Variants in COL20A1 observed in about 807,000 individuals in gnomAD.
COL20A1 encodes the protein collagen type XX alpha 1 chain, also known as collagen alpha-1(XX) chain.
COL20A1 carries 164 observed loss-of-function variants against 152.9 expected under a neutral mutation model. The ratio of observed to expected loss-of-function variants is 1.07; its 90% CI spans 0.94 to 1.22. COL20A1 has a LOEUF of 1.22. Among genes scored for constraint, COL20A1 ranks in the 50% most tolerant of loss-of-function variants. COL20A1 has a pLI of 0.00. For missense variants in COL20A1, 1,873 were observed against 1,744.8 expected (o/e 1.07, Z -1.31); for synonymous variants, 864 against 756.0 (o/e 1.14, Z -2.34).
At position 63,310,039 on chromosome 20, in the gene COL20A1, C is replaced by T. The variant is rs566748282; in HGVS notation, c.1263+124C>T. The T allele has an allele frequency of 2.3e-3, 2,206 of 959,534 alleles. 5 individuals carry two copies. Among genetic ancestry groups the T allele is most frequent in the Non-Finnish European group, 3.0e-3 (1,968 of 660,388 alleles). 59.4% of individuals were successfully genotyped at this position (959,534 alleles called of 1,614,324 possible). ...TGGGTCCAGGCTGAGAAGGGGGTGTCGAGGGGCTGACAGCCCAGGGACTCA... is the reference window on the plus strand; with the variant it reads ...TGGGTCCAGGCTGAGAAGGGGGTGTTGAGGGGCTGACAGCCCAGGGACTCA... On this transcript the variant is annotated intron_variant, in intron 10 of 35. Transcript: ENST00000358894.
At chr20:63,312,376 A>G (rs375752268) in intron 14 of COL20A1, 44 bp from the exon 15 acceptor site, 117 of 1,491,432 alleles carry the variant, frequency 7.8e-5, no homozygotes, top group Non-Finnish European at 9.6e-5. Flanking sequence ...CAAGGGCTCC[A>G]GGCACCAGCT....
chr20:63,322,600 G>C (rs116351059), intron 27 of COL20A1, among the ~76,000 whole-genome samples: 8 of 152,236 alleles, frequency 5.3e-5, no homozygotes, highest in Non-Finnish European at 1.0e-4. Context: ...GGAGGTTCTG[G>C]TTCTGCGGAG....
intron 31 of COL20A1, chr20:63,327,673 C>G: frequency 1.1e-5 from 6 of 524,570 alleles, no homozygotes; most frequent in Non-Finnish European, 2.1e-5. Flanking sequence ...CGCCATCTCC[C>G]CTAGCACAAA....
rs2068040638 is a variant in COL20A1 at position 63,313,305 on chromosome 20, A to T, written c.2209+56A>T. On this transcript the variant is annotated intron_variant, in intron 17 of 35. Coordinates refer to ENST00000358894, the MANE Select transcript of COL20A1 (RefSeq NM_020882.4). The surrounding 1 kb of genome is among the most constrained non-coding windows in gnomAD (Gnocchi z 5.9). ...GTGTGGGGCAGGGATGGCCCAGGGG[A>T]TCCCTGACTCACCCGCTGCACAGGC... 6.4e-7 allele frequency: 1 copy of T among 1,552,484 alleles called. No homozygotes were observed. Among genetic ancestry groups the T allele is most frequent in the Non-Finnish European group, 8.8e-7 (1 of 1,142,288 alleles).
At position 63,313,250 on chromosome 20, in the gene COL20A1, G is replaced by A. The variant is rs1220759751; in HGVS notation, c.2209+1G>A. ...CCTGTGTCCCTCCGCTATACCCCCT[G>A]TAGGTGCCCCTCCACTTCCCCTCTG... On this transcript the variant is annotated splice_donor_variant, in intron 17 of 35. Transcript: ENST00000358894. LOFTEE classifies it high-confidence loss of function. This position sits in a 1 kb window ranked among gnomAD's most constrained non-coding sequence, Gnocchi z 5.9. 1.9e-6 allele frequency: 3 copies of A among 1,606,230 alleles called. No homozygotes were observed. Among genetic ancestry groups the A allele is most frequent in the Non-Finnish European group, 2.6e-6 (3 of 1,175,314 alleles).
At chr20:63,322,174 C>A in intron 27 of COL20A1, 63 bp downstream of exon 27, 1 of 1,278,752 alleles carries the variant, frequency 7.8e-7, no homozygotes, top group Non-Finnish European at 1.1e-6. Context: ...AGAGAACACC[C>A]CTCCCAGTGC....
Position 63,305,925 on chromosome 20 carries a change from C to A in COL20A1, c.382C>A (p.Pro128Thr), listed in dbSNP as rs766008349. 8.7e-6 allele frequency: 14 copies of A among 1,612,692 alleles called. No homozygotes were observed. In the African/African-American group the frequency reaches 1.7e-4, roughly 20 times the overall value. ...SSSLDRSSQRPLGSGAPEPTP... is the reference protein window; with the variant it reads ...SSSLDRSSQRTLGSGAPEPTP... ...CTCCCTGGACAGGAGCAGCCAGAGGCCCCTCGGCTCTGGAGCCCCGGAGCC... is the reference window on the plus strand; with the variant it reads ...CTCCCTGGACAGGAGCAGCCAGAGGACCCTCGGCTCTGGAGCCCCGGAGCC... Residue 128 changes from proline to threonine, a missense_variant, in exon 5 of 36, where the codon CCC (proline) becomes ACC (threonine). Coordinates refer to ENST00000358894, the MANE Select transcript of COL20A1 (RefSeq NM_020882.4). The surrounding 1 kb of genome is among the most constrained non-coding windows in gnomAD (Gnocchi z 4.9).
chr20:63,301,951 T>G (rs1326461214), intron 3 of COL20A1, among the ~76,000 whole-genome samples: 1 of 152,228 alleles, frequency 6.6e-6, no homozygotes, highest in African/African-American at 2.4e-5. Flanking sequence ...ATTACACTTG[T>G]TATAAGTTTT....
At position 63,313,959 on chromosome 20, in the gene COL20A1, G is replaced by C. The variant is rs570490461; in HGVS notation, c.2358+68G>C. ...CTCCTGGAAGGGGTATGGCCACACTGTCTGCGAAGGGTGGCAGCTCTGCCA... is the reference window on the plus strand; with the variant it reads ...CTCCTGGAAGGGGTATGGCCACACTCTCTGCGAAGGGTGGCAGCTCTGCCA... On this transcript the variant is annotated intron_variant, in intron 18 of 35. Transcript: ENST00000358894. This position sits in a 1 kb window ranked among gnomAD's most constrained non-coding sequence, Gnocchi z 5.9. 1.6e-5 allele frequency: 25 copies of C among 1,590,364 alleles called. No homozygotes were observed. The highest frequency in any genetic ancestry group is 1.7e-4 in the Middle Eastern group (1 of 5,948).
At chr20:63,327,732 C>T (rs1303496070) in intron 31 of COL20A1, 1 of 593,446 alleles carries the variant, frequency 1.7e-6, no homozygotes, top group Non-Finnish European at 3.0e-6. Context: ...CAGCCCCACT[C>T]AGGACTCTGC....
intron 35 of COL20A1, 73 bp downstream of exon 35, chr20:63,329,734 A>C: frequency 5.6e-6 from 6 of 1,073,248 alleles, no homozygotes; most frequent in Non-Finnish European, 6.6e-6. Flanking sequence ...TGAGGGGCCA[A>C]CGGGTGGGGC....
At chr20:63,302,613 G>C (rs758967035) in intron 3 of COL20A1, among the ~76,000 whole-genome samples, 1 of 152,130 alleles carries the variant, frequency 6.6e-6, no homozygotes, top group Non-Finnish European at 1.5e-5. Flanking sequence ...GAGTCACCGC[G>C]CCTGGTCTTG....
At position 63,308,097 on chromosome 20, in the gene COL20A1, C is replaced by T; in HGVS notation, c.775+7C>T. The stretch of plus-strand genomic sequence containing the variant: ...GGGGGGAACACGTTCACAGGTACGG[C>T]CCAGGCCTGCCCCTCCCTCTGTCCT... On this transcript the variant is annotated splice_region_variant and intron_variant, in intron 7 of 35. Transcript: ENST00000358894. The T allele has an allele frequency of 2.5e-6, 4 of 1,611,830 alleles. No homozygotes were observed. Among genetic ancestry groups the T allele is most frequent in the Middle Eastern group, 1.7e-4 (1 of 6,058 alleles).
chr20:63,325,836 T>TC, intron 29 of COL20A1, 115 bp downstream of exon 29: 1 of 973,208 alleles, frequency 1.0e-6, no homozygotes, highest in Non-Finnish European at 1.6e-6. Flanking sequence ...TCTCCTGGGC[T>TC]CCTGCCTCAC....
intron 27 of COL20A1, among the ~76,000 whole-genome samples, chr20:63,323,420 T>C (rs112865069): frequency 1.3e-5 from 2 of 152,382 alleles, no homozygotes; most frequent in African/African-American, 4.8e-5. Context: ...TTAAAAGATC[T>C]TTCTTATTCC....
Position 63,313,090 on chromosome 20 carries a change from T to A in COL20A1, c.2077-27T>A. The A allele has an allele frequency of 1.3e-6, 2 of 1,594,588 alleles. No individual in the cohort carries two copies. Among genetic ancestry groups the A allele is most frequent in the Non-Finnish European group, 1.7e-6 (2 of 1,171,284 alleles). On this transcript the variant is annotated intron_variant, in intron 16 of 35. Transcript: ENST00000358894. The surrounding 1 kb of genome is among the most constrained non-coding windows in gnomAD (Gnocchi z 5.9). ...AACCTGAGGACCCCACTGCACCCGG[T>A]GACCCCTGGGGCTCTCCTCTCCCTA...
rs768498780 is a variant in COL20A1 at position 63,307,526 on chromosome 20, C to T, written c.533C>T (p.Ala178Val). 3.7e-5 allele frequency: 60 copies of T among 1,612,408 alleles called. No individual in the cohort carries two copies. The South Asian group carries it at 3.7e-4, about 10-fold the overall frequency. The change falls in exon 6 of 36, where the codon GCT (alanine) becomes GTT (valine). Residue 178 changes from alanine to valine, a missense_variant. Coordinates refer to ENST00000358894, the MANE Select transcript of COL20A1 (RefSeq NM_020882.4). ...TTCCGCTGCCTGCCCCCCGTGCCTGCTGACATGGTCTTCCTGGTGGACGGG... is the reference window on the plus strand; with the variant it reads ...TTCCGCTGCCTGCCCCCCGTGCCTGTTGACATGGTCTTCCTGGTGGACGGG... ...PQFRCLPPVPADMVFLVDGSW... is the reference protein window; with the variant it reads ...PQFRCLPPVPVDMVFLVDGSW...
intron 15 of COL20A1, 43 bp downstream of exon 15, chr20:63,312,592 T>G: frequency 6.5e-7 from 1 of 1,533,058 alleles, no homozygotes. Flanking sequence ...GCAGGGTTTC[T>G]GTGTCCTTCT....
chr20:63,330,125 G>A (rs6010905), intron 35 of COL20A1, among the ~76,000 whole-genome samples: 6,152 of 152,170 alleles, frequency 0.04, 439 homozygotes, highest in African/African-American at 0.14. Flanking sequence ...CAGGGTGGGG[G>A]CCATAGTAGC....
Sources: allele counts gnomAD v4.1 joint callset (sites outside exome capture counted in the v4.1 genomes callset), GRCh38; gene constraint gnomAD v4.1.1; non-coding constraint Gnocchi (gnomAD v3.1); transcripts MANE v1.5; gene names NCBI Gene and HGNC (gene_info 2026-07-23, HGNC 2026-07-21).